PPAN: variants seen among roughly 807,000 people sequenced by gnomAD.
PPAN encodes suppressor of SWI4 1 homolog.
Under a neutral mutation model 48.5 loss-of-function variants are expected in PPAN, and 39 were observed. That is an observed-to-expected ratio of 0.80 (90% CI 0.62 to 1.05). PPAN has a LOEUF of 1.05. PPAN is among the 50% of genes least tolerant of loss of function. The pLI, the probability that PPAN is intolerant of heterozygous loss-of-function variation, is 0.00. For missense variants in PPAN, 736 were observed against 661.7 expected (o/e 1.11, Z -1.23); for synonymous variants, 315 against 268.6 (o/e 1.17, Z -1.69).
chr19:10,109,423 C>T (rs2088961085), intron 5 of PPAN, among the ~76,000 whole-genome samples: 1 of 152,118 alleles, frequency 6.6e-6, no homozygotes, highest in Non-Finnish European at 1.5e-5. Flanking sequence ...GGAGACTCGC[C>T]GTGTTGCCCA....
chr19:10,109,483 G>A (rs753687757), intron 5 of PPAN, 148 bp from the exon 6 acceptor site: 3 of 956,692 alleles, frequency 3.1e-6, no homozygotes, highest in Non-Finnish European at 4.7e-6. Context: ...TTCAGCCTCT[G>A]GAGTAGCTAA....
At position 10,110,093 on chromosome 19, in the gene PPAN, C is replaced by G. The variant is rs371925990; in HGVS notation, c.699-30C>G. ...AACAGGACCGGGAGCCTGAGCTCCC[C>G]CACTGAGCCCTGTTATGTCCTACAC... is the stretch of plus-strand genomic sequence containing the variant. On this transcript the variant is annotated intron_variant, in intron 7 of 11. Transcript: ENST00000253107. This position sits in a 1 kb window ranked among gnomAD's most constrained non-coding sequence, Gnocchi z 5.9. 6.2e-7 allele frequency: 1 copy of G among 1,609,714 alleles called. No individual in the cohort carries two copies. The highest frequency in any genetic ancestry group is 1.1e-5 in the South Asian group (1 of 91,050).
At chr19:10,109,143 T>C (rs1247539989) in intron 5 of PPAN, among the ~76,000 whole-genome samples, 2 of 152,010 alleles carry the variant, frequency 1.3e-5, no homozygotes, top group African/African-American at 4.8e-5. Context: ...TTTGTATTTT[T>C]AGTAGAGACA....
rs762239181 is a variant in PPAN, at chr19:10,111,125, G to A, written c.1382G>A (p.Arg461Gln). 1.2e-5 allele frequency: 20 copies of A among 1,609,736 alleles called. No individual in the cohort carries two copies. Among genetic ancestry groups the A allele is most frequent in the African/African-American group, 2.7e-5 (2 of 74,828 alleles). The change falls in exon 12 of 12, where the codon CGA (arginine) becomes CAA (glutamine). Residue 461 changes from arginine to glutamine, a missense_variant. Physicochemically the swap from Arg to Gln is conservative, Grantham distance 43 (BLOSUM62 1). Transcript: ENST00000253107. ...AGAGGGGCTTCCCGGGATGGTGGGC[G>A]AGGCCGGGGCCGGGGCCGCCCAGGG... Reference protein sequence around the residue: ...GPRGASRDGGRGRGRGRPGKR... With the variant: ...GPRGASRDGGQGRGRGRPGKR...
In PPAN at chr19:10,110,732, T is replaced by G. The variant is rs769814764; in HGVS notation, c.1067T>G (p.Val356Gly). Residue 356 changes from valine to glycine, a missense_variant, in exon 11 of 12, where the codon GTC becomes GGC. By Grantham distance (109) the Val-to-Gly change is moderately radical. Coordinates refer to ENST00000253107, the MANE Select transcript of PPAN (RefSeq NM_020230.7). The surrounding 1 kb of genome is among the most constrained non-coding windows in gnomAD (Gnocchi z 5.9). ...CTGGAGGGCATGAAGAAGGCACGGG[T>G]CGGGGGTAGTGATGAAGAGGCCTCT... Reference protein sequence around the residue: ...KSLEGMKKARVGGSDEEASGI... With the variant: ...KSLEGMKKARGGGSDEEASGI... The G allele has an allele frequency of 1.4e-5, 22 of 1,613,386 alleles. No homozygotes were observed. The Admixed American group carries it at 3.7e-4, about 27-fold the overall frequency.
chr19:10,108,766 A>C (rs2088935229), intron 5 of PPAN, among the ~76,000 whole-genome samples: 1 of 151,458 alleles, frequency 6.6e-6, no homozygotes, highest in South Asian at 2.1e-4. Flanking sequence ...AAAAAAAAAA[A>C]AGCAAATCTG....
In PPAN at chr19:10,111,686, G is replaced by A. The variant is rs2089082562; in HGVS notation, c.*521G>A. 1 of 1,613,518 alleles carries A rather than the reference G, an allele frequency of 6.2e-7. No individual in the cohort carries two copies. Among genetic ancestry groups the A allele is most frequent in the South Asian group, 1.1e-5 (1 of 91,064 alleles). On this transcript the variant is annotated 3_prime_UTR_variant, in exon 12 of 12. Coordinates refer to ENST00000253107, the MANE Select transcript of PPAN (RefSeq NM_020230.7). ...TGACTGGGGGAGGGGCTGGGGAACT[G>A]GGTAGCAGACACAGGCTGAGGATCG...
rs772455953 is a variant in PPAN at position 10,110,052 on chromosome 19, G to A, written c.698+32G>A. 20 of 1,611,744 alleles carry A rather than the reference G, an allele frequency of 1.2e-5. No individual in the cohort carries two copies. The highest frequency in any genetic ancestry group is 4.5e-5 in the East Asian group (2 of 44,826). ...AGGGCATAGGGCGGGAGGCCACTGCGGCCCGGGGACCCCAGAACAGGACCG... is the reference window on the plus strand; with the variant it reads ...AGGGCATAGGGCGGGAGGCCACTGCAGCCCGGGGACCCCAGAACAGGACCG... On this transcript the variant is annotated intron_variant, in intron 7 of 11. Transcript: ENST00000253107. The surrounding 1 kb of genome is among the most constrained non-coding windows in gnomAD (Gnocchi z 5.9).
chr19:10,111,551 G>T lies in PPAN; in HGVS notation c.*386G>T, dbSNP rs1399179061. The T allele has an allele frequency of 3.9e-6, 3 of 761,194 alleles. No homozygotes were observed. The highest frequency in any genetic ancestry group is 1.7e-5 in the African/African-American group (1 of 58,260). The allele number at this position is 761,194 out of a possible 1,614,324, so 47.2% of individuals were successfully genotyped here. A position where few individuals can be genotyped will look rare whatever the true frequency, so the allele number is the denominator to read the frequency against. ...GCAGATGAGCTTGAACCTCAGGAGG[G>T]TTGTGGCACAATGAGGAAGGAAACG... On this transcript the variant is annotated 3_prime_UTR_variant, in exon 12 of 12. Coordinates refer to ENST00000253107, the MANE Select transcript of PPAN (RefSeq NM_020230.7).
chr19:10,107,347 C>T (rs2088864810), intron 2 of PPAN, among the ~76,000 whole-genome samples, 158 bp from the exon 3 acceptor site: 1 of 152,212 alleles, frequency 6.6e-6, no homozygotes, highest in Non-Finnish European at 1.5e-5. Flanking sequence ...CTCAAATCTG[C>T]GTCCGACTGA....
chr19:10,107,860 A>AG lies in PPAN; in HGVS notation c.342+10dup. On this transcript the variant is annotated splice_region_variant and intron_variant, in intron 4 of 11. Coordinates refer to ENST00000253107, the MANE Select transcript of PPAN (RefSeq NM_020230.7). ...TGACCTTCCAGGTCAAGAAGGTGAG[A>AG]GGGGTGGAGGTGGTACAAAGCCATG... 6 of 1,612,790 alleles carry AG rather than the reference A, an allele frequency of 3.7e-6. No individual in the cohort carries two copies. Among genetic ancestry groups the AG allele is most frequent in the African/African-American group, 1.3e-5 (1 of 75,006 alleles).
Position 10,111,174 on chromosome 19 carries a change from C to T in PPAN, c.*9C>T, listed in dbSNP as rs139777843. The T allele has an allele frequency of 7.1e-4, 1,102 of 1,559,254 alleles. 8 individuals are homozygous for T. In the African/African-American group the frequency reaches 0.012, roughly 17 times the overall value. ...GGAAGAGAGTGGCCTGAGCCCAAGC[C>T]GCACCGGAGCAGCGGCTGGATTGAA... On this transcript the variant is annotated 3_prime_UTR_variant, in exon 12 of 12. Transcript: ENST00000253107.
chr19:10,109,733 C>A, intron 6 of PPAN, 26 bp downstream of exon 6: 1 of 1,609,382 alleles, frequency 6.2e-7, no homozygotes, highest in Admixed American at 1.7e-5. Context: ...GGATGGGAGA[C>A]GAGGGGGTGC....
At chr19:10,106,476 G>A in intron 1 of PPAN, 25 bp from the exon 2 acceptor site, 1 of 1,549,092 alleles carries the variant, frequency 6.5e-7, no homozygotes, top group Non-Finnish European at 8.7e-7. Context: ...TCGCGGCGCT[G>A]ACCCTTTGTC....
rs758300474 is a variant in PPAN at position 10,111,004 on chromosome 19, C to T, written c.1261C>T (p.Arg421Trp). The T allele has an allele frequency of 5.6e-6, 9 of 1,613,260 alleles. No individual in the cohort carries two copies. Among genetic ancestry groups the T allele is most frequent in the Admixed American group, 1.7e-5 (1 of 59,996 alleles). Residue 421 changes from arginine (R) to tryptophan (W), a missense_variant, in exon 12 of 12, where the codon CGG becomes TGG. By Grantham distance (101) the Arg-to-Trp change is moderately radical. Coordinates refer to ENST00000253107, the MANE Select transcript of PPAN (RefSeq NM_020230.7). ...CAAGTCTCCAGGGCGGAAGCGGAAGCGGTGGGAAATGGATCGAGGCAGGGG... is the reference window on the plus strand; with the variant it reads ...CAAGTCTCCAGGGCGGAAGCGGAAGTGGTGGGAAATGGATCGAGGCAGGGG... The part of the protein sequence containing the change: ...LAKSPGRKRK[R>W]WEMDRGRGRL...
chr19:10,109,775 A>G, intron 6 of PPAN, 68 bp downstream of exon 6: 2 of 1,592,108 alleles, frequency 1.3e-6, no homozygotes, highest in Middle Eastern at 1.7e-4. Flanking sequence ...GGCTGATGAC[A>G]GCACTTCTGC....
At position 10,106,664 on chromosome 19, in the gene PPAN, G is replaced by C; in HGVS notation, c.182G>C (p.Arg61Pro). Residue 61 changes from arginine (R) to proline (P), a missense_variant, in exon 2 of 12, where the codon CGT becomes CCT. Physicochemically the swap from Arg to Pro is moderately radical, Grantham distance 103. Transcript: ENST00000253107. Reference sequence around the variant, plus strand: ...GTCATGGAGCCGCTCACTGCCAGCCGTCTGCAGGTTTGTACCCCACCCCCA... The same window carrying C: ...GTCATGGAGCCGCTCACTGCCAGCCCTCTGCAGGTTTGTACCCCACCCCCA... ...RRVMEPLTAS[R>P]LQVRKKNSLK... The C allele has an allele frequency of 4.6e-6, 7 of 1,536,314 alleles. No individual in the cohort carries two copies. In the South Asian group the frequency reaches 8.3e-5, roughly 18 times the overall value.
chr19:10,106,337 T>G, upstream of PPAN: 2 of 1,546,988 alleles, frequency 1.3e-6, no homozygotes, highest in Non-Finnish European at 1.7e-6. Context: ...GCGCCGGAAG[T>G]GAGCTGCGCA....
At position 10,106,572 on chromosome 19, in the gene PPAN, C is replaced by G. The variant is rs11559190; in HGVS notation, c.90C>G (p.His30Gln). 1.3e-6 allele frequency: 2 copies of G among 1,553,130 alleles called. No homozygotes were observed. The highest frequency in any genetic ancestry group is 2.4e-5 in the South Asian group (2 of 84,286). ...RNLEAYAANPHSFVFTRGCTG... is the reference protein window; with the variant it reads ...RNLEAYAANPQSFVFTRGCTG... Reference sequence around the variant, plus strand: ...TCGAGGCCTATGCCGCGAACCCGCACTCGTTCGTGTTCACGCGAGGCTGCA... The same window carrying G: ...TCGAGGCCTATGCCGCGAACCCGCAGTCGTTCGTGTTCACGCGAGGCTGCA... The change falls in exon 2 of 12, where the codon CAC (histidine) becomes CAG (glutamine). Residue 30 changes from histidine to glutamine, a missense_variant. By Grantham distance (24) the His-to-Gln change is conservative. Coordinates refer to ENST00000253107, the MANE Select transcript of PPAN (RefSeq NM_020230.7).
Sources: gnomAD v4.1 joint callset for allele counts (sites outside exome capture counted in the v4.1 genomes callset) on GRCh38, gnomAD v4.1.1 for gene constraint, Gnocchi (gnomAD v3.1) non-coding constraint, MANE v1.5 for transcripts, NCBI Gene and HGNC (gene_info 2026-07-23, HGNC 2026-07-21) for gene names.